MIER2: variants seen among roughly 807,000 people sequenced by gnomAD.
MIER2 encodes MIER family member 2.
In MIER2, 30 loss-of-function variants were observed where a neutral mutation model predicts 67.6. That is an observed-to-expected ratio of 0.44 (90% confidence interval 0.33 to 0.60). The LOEUF (loss-of-function observed/expected upper bound fraction) is 0.60, where lower values mean the gene tolerates loss of function less well. Among genes scored for constraint, MIER2 ranks in the 20% least tolerant of loss-of-function variants. The pLI, the probability that MIER2 is intolerant of heterozygous loss-of-function variation, is 0.02. For missense variants in MIER2, 702 were observed against 745.1 expected, an observed-to-expected ratio of 0.94 and a Z score of 0.67; for synonymous variants, 372 against 312.6, an observed-to-expected ratio of 1.19 and a Z score of -2.00.
Position 336,138 on chromosome 19 carries a change from G to C in MIER2, c.45C>G (p.Val15=), listed in dbSNP as rs764124724. 6.2e-7 allele frequency: 1 copy of C among 1,613,866 alleles called. No individual in the cohort carries two copies. The highest frequency in any genetic ancestry group is 8.5e-7 in the Non-Finnish European group (1 of 1,179,874). The part of the protein sequence containing the change: ...SSLGRQSPRV[V]SCLEHSLCPG... Reference sequence around the variant, plus strand: ...GGCACAGGCTGTGCTCGAGGCAGGAGACCACGCGAGGACTCTGCCTCCCCA... The same window carrying C: ...GGCACAGGCTGTGCTCGAGGCAGGACACCACGCGAGGACTCTGCCTCCCCA... Residue 15 remains valine, a synonymous_variant, in exon 2 of 14, where the codon GTC becomes GTG. Transcript: ENST00000264819.
chr19:332,338 T>C (rs967289777), intron 3 of MIER2, among the ~76,000 whole-genome samples: 3 of 152,212 alleles, frequency 2.0e-5, no homozygotes, highest in Admixed American at 6.5e-5. Context: ...AGTCTTGCTC[T>C]GTCCCCCAGG....
At position 337,870 on chromosome 19, in the gene MIER2, C is replaced by CAAA. The variant is rs34553732; in HGVS notation, c.10-1700_10-1698dup. Among the ~76,000 whole-genome samples the CAAA allele has an allele frequency of 8.9e-3, 328 of 36,872 alleles. 19 individuals are homozygous for CAAA. The highest frequency in any genetic ancestry group is 0.028 in the African/African-American group (164 of 5,810). The allele number at this position is 36,872 out of a possible 152,430, so 24.2% of individuals were successfully genotyped here. Reference sequence around the variant, plus strand: ...GGCAACAGAGCAAGACTCCATCTCACAAAAAAAAAAAAAAAAAAAAAGGCT... The same window carrying CAAA: ...GGCAACAGAGCAAGACTCCATCTCACAAAAAAAAAAAAAAAAAAAAAAAAGGCT... On this transcript the variant is annotated intron_variant, in intron 1 of 13. Transcript: ENST00000264819.
rs564628338 is a variant in MIER2 at position 341,981 on chromosome 19, C to T, written c.9+2793G>A. ...TGCACCAAAAACACAAGAGGCCACCCTGCAAAGCTTAACCCAAAATGACAG... is the reference window on the plus strand; with the variant it reads ...TGCACCAAAAACACAAGAGGCCACCTTGCAAAGCTTAACCCAAAATGACAG... On this transcript the variant is annotated intron_variant, in intron 1 of 13. Transcript: ENST00000264819. Among the ~76,000 whole-genome samples, 21 of 152,216 alleles carry T rather than the reference C, an allele frequency of 1.4e-4. No individual in the cohort carries two copies. In the South Asian group the frequency reaches 3.1e-3, roughly 23 times the overall value.
At chr19:341,249 C>T (rs1972486977) in intron 1 of MIER2, among the ~76,000 whole-genome samples, 1 of 152,168 alleles carries the variant, frequency 6.6e-6, no homozygotes, top group South Asian at 2.1e-4. Flanking sequence ...TGGCAGGCGA[C>T]CACATCAAAT....
Position 306,659 on chromosome 19 carries a change from C to T in MIER2, c.*31G>A, listed in dbSNP as rs1970663810. 3 of 1,551,926 alleles carry T rather than the reference C, an allele frequency of 1.9e-6. No homozygotes were observed. Among genetic ancestry groups the T allele is most frequent in the African/African-American group, 1.4e-5 (1 of 73,066 alleles). ...GCCCAGCGGCAGCGCTAAGTCCAGT[C>T]TGGGCCGCATACGCCGCCCGCGGCC... is the stretch of plus-strand genomic sequence containing the variant. On this transcript the variant is annotated 3_prime_UTR_variant, in exon 14 of 14. Coordinates refer to ENST00000264819, the MANE Select transcript of MIER2 (RefSeq NM_017550.3).
chr19:317,486 C>T (rs565358169), intron 7 of MIER2, among the ~76,000 whole-genome samples: 65 of 151,480 alleles, frequency 4.3e-4, no homozygotes, highest in African/African-American at 1.6e-3. Context: ...GAGATCGCGC[C>T]ACTGCACTCC....
chr19:338,126 C>T lies in MIER2; in HGVS notation c.10-1953G>A, dbSNP rs1216883123. ...GGCAGAGGTTGCAGTGAGCCGAGAT[C>T]GTGCCACTGCACTCCAGCCTGGCAA... On this transcript the variant is annotated intron_variant, in intron 1 of 13. Coordinates refer to ENST00000264819, the MANE Select transcript of MIER2 (RefSeq NM_017550.3). 9.4e-5 allele frequency among the ~76,000 whole-genome samples: 12 copies of T among 127,590 alleles called. 1 individual carries two copies. In the East Asian group the frequency reaches 1.6e-3, roughly 17 times the overall value. The allele number at this position is 127,590 out of a possible 152,430, so 83.7% of individuals were successfully genotyped here.
intron 1 of MIER2, among the ~76,000 whole-genome samples, chr19:338,408 CTGAG>C (rs146583752): frequency 0.1 from 15,479 of 152,040 alleles, 1,167 homozygotes; most frequent in African/African-American, 0.2. Context: ...GTACAGTACT[CTGAG>C]TGAACAAAGC....
chr19:310,345 T>C (rs1970896555), intron 10 of MIER2, among the ~76,000 whole-genome samples: 1 of 152,188 alleles, frequency 6.6e-6, no homozygotes, highest in South Asian at 2.1e-4. Flanking sequence ...ACAACCTCCC[T>C]GCAGGGCAAA....
intron 1 of MIER2, among the ~76,000 whole-genome samples, chr19:337,955 C>T (rs911549655): frequency 6.7e-6 from 1 of 148,162 alleles, no homozygotes; most frequent in Non-Finnish European, 1.5e-5. Flanking sequence ...GGGCAGATCA[C>T]GAGGTCAGCA....
chr19:327,919 C>A lies in MIER2; in HGVS notation c.314G>T (p.Arg105Leu). Reference protein sequence around the residue: ...GYEASDPISDRESEGGDVAPN... With the variant: ...GYEASDPISDLESEGGDVAPN... ...GGCCACGTCACCACCCTCACTCTCC[C>A]GGTCTGAAATGGGGTCTGACGCCTC... The change falls in exon 4 of 14, where the codon CGG (arginine) becomes CTG (leucine). Residue 105 changes from arginine to leucine, a missense_variant. Physicochemically the swap from Arg to Leu is moderately radical, Grantham distance 102. Around this residue, in one of 3 missense-constraint regions of MIER2, gnomAD observed 320 missense variants for 292.6 expected, o/e 1.09. Transcript: ENST00000264819. 3 of 1,613,000 alleles carry A rather than the reference C, an allele frequency of 1.9e-6. No homozygotes were observed. Among genetic ancestry groups the A allele is most frequent in the Non-Finnish European group, 2.5e-6 (3 of 1,179,528 alleles).
intron 7 of MIER2, 101 bp from the exon 8 acceptor site, chr19:313,744 G>C: frequency 6.8e-7 from 1 of 1,467,876 alleles, no homozygotes; most frequent in Non-Finnish European, 9.2e-7. Context: ...ACAGGGAGGA[G>C]GCACTGTCCG....
intron 3 of MIER2, among the ~76,000 whole-genome samples, chr19:331,670 AAAAT>A (rs1180362206): frequency 5.3e-5 from 8 of 151,958 alleles, no homozygotes; most frequent in Admixed American, 4.6e-4. Flanking sequence ...CAGTCTCAAA[AAAAT>A]AAATAAATGT....
intron 2 of MIER2, 79 bp downstream of exon 2, chr19:336,004 C>A: frequency 7.1e-7 from 1 of 1,400,004 alleles, no homozygotes; most frequent in Non-Finnish European, 1.0e-6. Context: ...ACAGCTCAGC[C>A]AGGCCCAGCA....
rs146470483 is a variant in MIER2, at chr19:315,470, C to T, written c.656-1827G>A. ...GACTTCAATCTAACGAGGATTAATA[C>T]GTTAAGGAAATGGACAAAACGCCGG... On this transcript the variant is annotated intron_variant, in intron 7 of 13. Coordinates refer to ENST00000264819, the MANE Select transcript of MIER2 (RefSeq NM_017550.3). 1.5e-4 allele frequency among the ~76,000 whole-genome samples: 23 copies of T among 152,346 alleles called. No individual in the cohort carries two copies. The East Asian group carries it at 1.9e-3, about 13-fold the overall frequency.
At position 308,792 on chromosome 19, in the gene MIER2, T is replaced by C. The variant is rs962121714; in HGVS notation, c.1109+9A>G. ...GCCTGTCGTTACTGCTGGGGAGGGC[T>C]GCACGCACGTGGTTCCGGACGGGAC... On this transcript the variant is annotated intron_variant, in intron 11 of 13. Transcript: ENST00000264819. The surrounding 1 kb of genome is among the most constrained non-coding windows in gnomAD (Gnocchi z 9.1). 3 of 1,598,662 alleles carry C rather than the reference T, an allele frequency of 1.9e-6. No individual in the cohort carries two copies. Among genetic ancestry groups the C allele is most frequent in the Non-Finnish European group, 2.6e-6 (3 of 1,168,248 alleles).
In MIER2 at chr19:334,528, A is replaced by G. The variant is rs1972155419; in HGVS notation, c.115T>C (p.Ser39Pro). 1.2e-6 allele frequency: 2 copies of G among 1,613,890 alleles called. No homozygotes were observed. The highest frequency in any genetic ancestry group is 1.7e-5 in the Admixed American group (1 of 60,002). Residue 39 changes from serine (S) to proline (P), a missense_variant, in exon 3 of 14, where the codon TCT becomes CCT. By Grantham distance (74) the Ser-to-Pro change is moderately conservative (BLOSUM62 -1). Transcript: ENST00000264819. ...LQTTAVVSMGSGDHQFNLAEI... is the reference protein window; with the variant it reads ...LQTTAVVSMGPGDHQFNLAEI... ...GCGAGGTTGAACTGATGGTCTCCAGAGCCCATGGACACCACTGGGGAGAAG... is the reference window on the plus strand; with the variant it reads ...GCGAGGTTGAACTGATGGTCTCCAGGGCCCATGGACACCACTGGGGAGAAG...
At chr19:316,912 T>C (rs1419268258) in intron 7 of MIER2, among the ~76,000 whole-genome samples, 1 of 150,448 alleles carries the variant, frequency 6.6e-6, no homozygotes, top group Non-Finnish European at 1.5e-5. Flanking sequence ...GAGGTTGCAA[T>C]GAGCCGAGAT....
intron 1 of MIER2, among the ~76,000 whole-genome samples, chr19:338,570 C>T (rs192469667): frequency 2.0e-4 from 29 of 143,558 alleles, no homozygotes; most frequent in African/African-American, 6.3e-4. Flanking sequence ...TAGAAACCCA[C>T]GAGCCGATTT....
Sources: allele counts gnomAD v4.1 joint callset (sites outside exome capture counted in the v4.1 genomes callset), GRCh38; gene constraint gnomAD v4.1.1; regional missense constraint gnomAD v4.1.1; non-coding constraint Gnocchi (gnomAD v3.1); transcripts MANE v1.5; gene names NCBI Gene and HGNC (gene_info 2026-07-23, HGNC 2026-07-21).